The following SLA2 variants were observed in gnomAD, a reference collection of about 807,000 sequenced individuals.
SLA2 encodes Src like adaptor 2.
SLA2 carries 22 observed loss-of-function variants against 27.3 expected under a neutral mutation model. The observed-to-expected ratio is 0.81, with a 90% CI of 0.58 to 1.15. The LOEUF is 1.15. SLA2 is among the 50% of genes most tolerant of loss of function. The probability of loss-of-function intolerance (pLI) is 0.00; values close to 1 mark genes in which losing one functional copy is unlikely to be tolerated. For missense variants in SLA2, 304 were observed against 322.2 expected (o/e 0.94, Z 0.43); for synonymous variants, 131 against 137.8 (o/e 0.95, Z 0.34).
At chr20:36,633,491 T>G in intron 4 of SLA2, 52 bp downstream of exon 4, 1 of 1,463,364 alleles carries the variant, frequency 6.8e-7, no homozygotes, top group Non-Finnish European at 9.6e-7. Context: ...GGAGTTCTTG[T>G]GGGAGGAGAA....
intron 5 of SLA2, among the ~76,000 whole-genome samples, chr20:36,616,577 C>T (rs2039214906): frequency 6.6e-6 from 1 of 152,118 alleles, no homozygotes; most frequent in South Asian, 2.1e-4. Context: ...TCGTGATCCG[C>T]CTGCCTCAGC....
chr20:36,643,884 A>C (rs1045927194), intron 1 of SLA2, among the ~76,000 whole-genome samples: 1 of 152,096 alleles, frequency 6.6e-6, no homozygotes, highest in Non-Finnish European at 1.5e-5. Flanking sequence ...CCTGGGAGGC[A>C]GGGGCTGCAG....
intron 6 of SLA2, 51 bp downstream of exon 6, chr20:36,615,174 C>T (rs962163542): frequency 5.0e-6 from 8 of 1,612,618 alleles, no homozygotes; most frequent in South Asian, 2.2e-5. Context: ...ACTGCCTGCT[C>T]CTCCCCACAG....
intron 5 of SLA2, among the ~76,000 whole-genome samples, chr20:36,628,129 A>G (rs966802967): frequency 5.3e-5 from 8 of 152,132 alleles, no homozygotes; most frequent in African/African-American, 1.9e-4. Context: ...TCTGCCCCCA[A>G]AAGTCTGATT....
In SLA2 at chr20:36,633,618, C is replaced by A; in HGVS notation, c.203G>T (p.Trp68Leu). The stretch of plus-strand genomic sequence containing the variant: ...TGAGACTTCAGACAGCACCGTCCAC[C>A]AGTCTCCATCCCTGGAGAGAGAAAG... Reference protein sequence around the residue: ...PLTIVSEDGDWWTVLSEVSGR... With the variant: ...PLTIVSEDGDLWTVLSEVSGR... The change falls in exon 4 of 8, where the codon TGG becomes TTG. Residue 68 changes from tryptophan to leucine, a missense_variant. Physicochemically the swap from Trp to Leu is moderately conservative, Grantham distance 61 (BLOSUM62 -2). Coordinates refer to ENST00000262866, the MANE Select transcript of SLA2 (RefSeq NM_032214.4). 6.2e-7 allele frequency: 1 copy of A among 1,613,778 alleles called. No individual in the cohort carries two copies. Among genetic ancestry groups the A allele is most frequent in the Non-Finnish European group, 8.5e-7 (1 of 1,179,768 alleles).
intron 5 of SLA2, among the ~76,000 whole-genome samples, chr20:36,624,191 CCT>C (rs2039312882): frequency 6.6e-6 from 1 of 152,114 alleles, no homozygotes; most frequent in Admixed American, 6.6e-5. Context: ...TGCGCGGCAT[CCT>C]CTCTTCTCAG....
intron 5 of SLA2, among the ~76,000 whole-genome samples, chr20:36,619,923 T>C (rs6028392): frequency 0.026 from 3,908 of 149,134 alleles, 178 homozygotes; most frequent in African/African-American, 0.09. Flanking sequence ...TGAGCCACCG[T>C]GCCTGGCCAA....
At position 36,613,838 on chromosome 20, in the gene SLA2, G is replaced by A. The variant is rs2147973082; in HGVS notation, c.*28C>T. 1 of 1,544,748 alleles carries A rather than the reference G, an allele frequency of 6.5e-7. No homozygotes were observed. The highest frequency in any genetic ancestry group is 8.8e-7 in the Non-Finnish European group (1 of 1,136,510). On this transcript the variant is annotated 3_prime_UTR_variant, in exon 8 of 8. Transcript: ENST00000262866. ...ATTGGGGTTCTAGGTGTGCAGCCTT[G>A]GTTTCCCTTTTGGCCTCTCCTTTGG...
chr20:36,615,796 C>T (rs935828938), intron 5 of SLA2, among the ~76,000 whole-genome samples: 1 of 152,184 alleles, frequency 6.6e-6, no homozygotes, highest in Non-Finnish European at 1.5e-5. Context: ...ACTAGATGAG[C>T]TGAACATGCA....
At chr20:36,634,858 C>T (rs1001587035) in intron 2 of SLA2, among the ~76,000 whole-genome samples, 68 of 151,942 alleles carry the variant, frequency 4.5e-4, no homozygotes, top group African/African-American at 1.4e-3. Context: ...CACCACTGCA[C>T]GTAGGCTGAG....
chr20:36,632,615 CG>C lies in SLA2; in HGVS notation c.361del (p.Arg121GlyfsTer88). On this transcript the variant is annotated frameshift_variant, in exon 5 of 8. Coordinates refer to ENST00000262866, the MANE Select transcript of SLA2 (RefSeq NM_032214.4). LOFTEE classifies it high-confidence loss of function. Reference sequence around the variant, plus strand: ...CTCACCTCTCCTGGTCTGGCTCTCCCGGATGAGGAAGGCCCCTCCAGGGTTC... The same window carrying C: ...CTCACCTCTCCTGGTCTGGCTCTCCCGATGAGGAAGGCCCCTCCAGGGTTC... ...PGNPGGAFLI[R>X]ESQTRRGSYS... is the part of the protein sequence containing the mutation. The C allele has an allele frequency of 6.2e-7, 1 of 1,614,112 alleles. No individual in the cohort carries two copies. The highest frequency in any genetic ancestry group is 1.3e-5 in the African/African-American group (1 of 75,056).
At chr20:36,617,821 A>G (rs2039232450) in intron 5 of SLA2, among the ~76,000 whole-genome samples, 1 of 147,492 alleles carries the variant, frequency 6.8e-6, no homozygotes, top group Non-Finnish European at 1.5e-5. Flanking sequence ...CAGCCACTGC[A>G]CTACAGCCCG....
chr20:36,620,204 C>T (rs1011598753), intron 5 of SLA2, among the ~76,000 whole-genome samples: 1 of 151,470 alleles, frequency 6.6e-6, no homozygotes, highest in Non-Finnish European at 1.5e-5. Flanking sequence ...GCCTGGCTAA[C>T]ATGGTGAAAC....
rs149570551 is a variant in SLA2 at position 36,643,953 on chromosome 20, C to G, written c.-44+1884G>C. Reference sequence around the variant, plus strand: ...GGCGACAGAGCGAGACTCTGTACCCCCCTCCCGCCCCAAAAAACCTAATAC... The same window carrying G: ...GGCGACAGAGCGAGACTCTGTACCCGCCTCCCGCCCCAAAAAACCTAATAC... On this transcript the variant is annotated intron_variant, in intron 1 of 7. Transcript: ENST00000262866. 9.9e-5 allele frequency among the ~76,000 whole-genome samples: 15 copies of G among 151,922 alleles called. No individual in the cohort carries two copies. In the South Asian group the frequency reaches 2.9e-3, roughly 30 times the overall value.
At chr20:36,619,223 A>G (rs1278771889) in intron 5 of SLA2, among the ~76,000 whole-genome samples, 3 of 137,522 alleles carry the variant, frequency 2.2e-5, no homozygotes, top group African/African-American at 9.2e-5. Flanking sequence ...TCTGGGGGAA[A>G]AAAAAAAAAA....
In SLA2 at chr20:36,613,761, A is replaced by AC; in HGVS notation, c.*104dup. On this transcript the variant is annotated 3_prime_UTR_variant, in exon 8 of 8. Coordinates refer to ENST00000262866, the MANE Select transcript of SLA2 (RefSeq NM_032214.4). The stretch of plus-strand genomic sequence containing the variant: ...GACCCTAGATGCACCTCTGTGTCCC[A>AC]CCCTCCCTCCCTGAGTGCACAGCCT... The AC allele has an allele frequency of 1.8e-5, 6 of 336,596 alleles. No homozygotes were observed. The highest frequency in any genetic ancestry group is 3.4e-5 in the Admixed American group (1 of 29,054). 20.9% of individuals were successfully genotyped at this position (336,596 alleles called of 1,614,324 possible).
At chr20:36,620,610 C>T (rs1333975496) in intron 5 of SLA2, 1 of 138,078 alleles carries the variant, frequency 7.2e-6, no homozygotes, top group African/African-American at 2.8e-5. Context: ...CCGTCTGTTG[C>T]CCAGGCTGGA....
intron 2 of SLA2, among the ~76,000 whole-genome samples, chr20:36,637,658 GCT>G (rs2039465734): frequency 9.5e-6 from 1 of 105,520 alleles, no homozygotes; most frequent in Non-Finnish European, 1.8e-5. Context: ...AGACAGTCCT[GCT>G]CTGTTGCCCA....
chr20:36,612,639 C>T lies in SLA2; in HGVS notation c.*1227G>A. 4.0e-6 allele frequency: 1 copy of T among 248,694 alleles called. No individual in the cohort carries two copies. The highest frequency in any genetic ancestry group is 4.6e-5 in the South Asian group (1 of 21,782). The allele number at this position is 248,694 out of a possible 1,614,324, so 15.4% of individuals were successfully genotyped here. The stretch of plus-strand genomic sequence containing the variant: ...TAGGAGCACTGGAGGGGGTGCCTCC[C>T]ACCCCATCCCTCTTTCTTCCTCTCC... On this transcript the variant is annotated 3_prime_UTR_variant, in exon 8 of 8. Coordinates refer to ENST00000262866, the MANE Select transcript of SLA2 (RefSeq NM_032214.4).
Sources: allele counts gnomAD v4.1 joint callset (sites outside exome capture counted in the v4.1 genomes callset), GRCh38; gene constraint gnomAD v4.1.1; transcripts MANE v1.5; gene names NCBI Gene and HGNC (gene_info 2026-07-23, HGNC 2026-07-21).